Variants in RBFOX1 observed in about 807,000 individuals in gnomAD.
The protein encoded by RBFOX1 is RNA binding protein fox-1 homolog 1.
Under a neutral mutation model 57.7 loss-of-function variants are expected in RBFOX1, and 8 were observed. That is an observed-to-expected ratio of 0.14 (90% CI 0.08 to 0.25). The LOEUF (loss-of-function observed/expected upper bound fraction) is 0.25. Among genes scored for constraint, RBFOX1 ranks in the 10% least tolerant of loss-of-function variants. The pLI is 1.00. For synonymous variants in RBFOX1, 326 were observed against 222.4 expected (o/e 1.47, Z -4.15); for missense variants, 611 against 548.5 (o/e 1.11, Z -1.14).
chr16:7,618,065 G>C (rs1248402096), intron 10 of RBFOX1, among the ~76,000 whole-genome samples: 2 of 151,994 alleles, frequency 1.3e-5, no homozygotes, highest in Non-Finnish European at 2.9e-5. Flanking sequence ...GAATTTCTGA[G>C]CCAAGTTGAC....
chr16:7,341,497 C>T (rs1311279205), intron 4 of RBFOX1, among the ~76,000 whole-genome samples: 1 of 152,272 alleles, frequency 6.6e-6, no homozygotes, highest in East Asian at 1.9e-4. Flanking sequence ...GCAGTAGAGT[C>T]AGAGGTTAAG....
chr16:6,975,949 A>G (rs2086732916), intron 3 of RBFOX1, among the ~76,000 whole-genome samples: 1 of 151,976 alleles, frequency 6.6e-6, no homozygotes, highest in Admixed American at 6.6e-5. Flanking sequence ...AACATGGTGA[A>G]ACCCCATCTG....
At chr16:5,425,664 T>A (rs896505023) in intron 1 of RBFOX1, among the ~76,000 whole-genome samples, 12 of 152,120 alleles carry the variant, frequency 7.9e-5, no homozygotes, top group Non-Finnish European at 1.5e-4. Flanking sequence ...AGGGCCAGAT[T>A]TGTGGAGAAG....
At chr16:7,567,365 C>A (rs1455633859) in intron 5 of RBFOX1, among the ~76,000 whole-genome samples, 4 of 98,320 alleles carry the variant, frequency 4.1e-5, no homozygotes, top group African/African-American at 7.8e-5. Context: ...ATATATGGCC[C>A]TATATATATA....
chr16:7,365,704 A>G (rs776528484), intron 4 of RBFOX1, among the ~76,000 whole-genome samples: 6 of 152,240 alleles, frequency 3.9e-5, no homozygotes, highest in Non-Finnish European at 7.3e-5. Flanking sequence ...GTACAGAATT[A>G]TAGCACCCAA....
intron 2 of RBFOX1, among the ~76,000 whole-genome samples, chr16:5,482,413 C>A (rs551779327): frequency 7.9e-5 from 12 of 152,250 alleles, no homozygotes; most frequent in South Asian, 2.1e-4. Flanking sequence ...GCAGCCCAGG[C>A]GGGGCTGGCA....
Position 6,258,611 on chromosome 16 carries a change from C to G in RBFOX1, c.-126-58384C>G, listed in dbSNP as rs374781366. Among the ~76,000 whole-genome samples, 53 of 152,310 alleles carry G rather than the reference C, an allele frequency of 3.5e-4. 1 individual carries two copies. Among genetic ancestry groups the G allele is most frequent in the African/African-American group, 1.2e-3 (49 of 41,576 alleles). ...CTGAATACCTTCCATGGCCCAAACT[C>G]TGTTTTCCTAATTTCATCTTGTCCT... On this transcript the variant is annotated intron_variant, in intron 1 of 15. Transcript: ENST00000550418.
intron 4 of RBFOX1, among the ~76,000 whole-genome samples, chr16:5,880,627 G>A (rs1426556818): frequency 1.3e-5 from 2 of 152,176 alleles, no homozygotes; most frequent in African/African-American, 2.4e-5. Context: ...ACTGATGGGT[G>A]TCTGGACTTT....
intron 3 of RBFOX1, among the ~76,000 whole-genome samples, chr16:7,007,338 C>T (rs371559650): frequency 3.9e-5 from 6 of 152,290 alleles, no homozygotes; most frequent in East Asian, 1.9e-4. Flanking sequence ...TCATTGACTT[C>T]TTCTGCCATA....
At chr16:7,080,286 C>T (rs1413058509) in intron 4 of RBFOX1, among the ~76,000 whole-genome samples, 2 of 152,062 alleles carry the variant, frequency 1.3e-5, no homozygotes, top group East Asian at 1.9e-4. Flanking sequence ...TGCAATATCT[C>T]AGCAGATAGC....
intron 2 of RBFOX1, among the ~76,000 whole-genome samples, chr16:5,477,551 C>G (rs1283368169): frequency 6.6e-6 from 1 of 152,142 alleles, no homozygotes; most frequent in East Asian, 1.9e-4. Flanking sequence ...TTCTCTTAAT[C>G]TACAAGAAGC....
chr16:6,164,024 T>TTAC, intron 1 of RBFOX1, among the ~76,000 whole-genome samples: 1 of 152,218 alleles, frequency 6.6e-6, no homozygotes, highest in Non-Finnish European at 1.5e-5. Flanking sequence ...GTGACGAGAG[T>TTAC]AGTTGAAATC....
chr16:7,570,101 G>T (rs1053518269), intron 5 of RBFOX1, among the ~76,000 whole-genome samples: 1 of 150,472 alleles, frequency 6.6e-6, no homozygotes, highest in African/African-American at 2.4e-5. Flanking sequence ...TCTTTTACAT[G>T]ATAGCATGTT....
chr16:6,570,093 G>C (rs564194221), intron 2 of RBFOX1, among the ~76,000 whole-genome samples: 1 of 152,132 alleles, frequency 6.6e-6, no homozygotes, highest in Admixed American at 6.5e-5. Context: ...TGACAGTGCC[G>C]TTTAAATAAT....
intron 2 of RBFOX1, among the ~76,000 whole-genome samples, chr16:6,451,301 T>C (rs1487720697): frequency 6.6e-6 from 1 of 152,170 alleles, no homozygotes; most frequent in Non-Finnish European, 1.5e-5. Context: ...TATGGAAGTA[T>C]CAACATTAGG....
intron 4 of RBFOX1, among the ~76,000 whole-genome samples, chr16:7,448,414 A>C (rs936597782): frequency 6.6e-6 from 1 of 152,184 alleles, no homozygotes; most frequent in Non-Finnish European, 1.5e-5. Flanking sequence ...GTGGAAGGCA[A>C]AGGAGGTGCA....
rs1302907529 is a variant in RBFOX1 at position 6,937,240 on chromosome 16, C to G, written c.-15-114817C>G. Among the ~76,000 whole-genome samples the G allele has an allele frequency of 2.0e-5, 3 of 152,182 alleles. No homozygotes were observed. The East Asian group carries it at 5.8e-4, about 29-fold the overall frequency. ...AAATAGTATAATGAATCCCTGGGTA[C>G]TCAGATACCCAGATTCAACAATTGC... is the stretch of plus-strand genomic sequence containing the variant. On this transcript the variant is annotated intron_variant, in intron 3 of 15. Transcript: ENST00000550418.
intron 4 of RBFOX1, among the ~76,000 whole-genome samples, chr16:5,993,558 A>G (rs62015774): frequency 0.087 from 13,197 of 151,218 alleles, 1,072 homozygotes; most frequent in East Asian, 0.43. Context: ...GTCTGTGTTC[A>G]TTGAAATGTT....
intron 2 of RBFOX1, among the ~76,000 whole-genome samples, chr16:6,586,169 G>T (rs904451311): frequency 6.6e-6 from 1 of 152,186 alleles, no homozygotes; most frequent in African/African-American, 2.4e-5. Context: ...CCAGAAGGCA[G>T]CCGTAGGCAG....
Sources: allele counts gnomAD v4.1 joint callset (sites outside exome capture counted in the v4.1 genomes callset), GRCh38; gene constraint gnomAD v4.1.1; transcripts MANE v1.5; gene names NCBI Gene and HGNC (gene_info 2026-07-23, HGNC 2026-07-21).